The following RTN1 variants were observed in gnomAD, a reference collection of about 807,000 sequenced individuals.
RTN1 encodes the protein reticulon-1.
RTN1 carries 25 observed loss-of-function variants against 65.5 expected under a neutral mutation model. That is an observed-to-expected ratio of 0.38 (90% CI 0.28 to 0.53). The LOEUF (loss-of-function observed/expected upper bound fraction) is 0.53. Ranked by LOEUF, RTN1 falls within the 20% of genes least tolerant of loss-of-function variation. RTN1 has a pLI of 0.79. For synonymous variants in RTN1, 471 were observed against 447.6 expected, an observed-to-expected ratio of 1.05 and a Z score of -0.66; for missense variants, 983 against 1,025.4, an observed-to-expected ratio of 0.96 and a Z score of 0.57.
chr14:59,769,403 T>C (rs539655033), intron 1 of RTN1, among the ~76,000 whole-genome samples: 1 of 152,310 alleles, frequency 6.6e-6, no homozygotes, highest in African/African-American at 2.4e-5. Flanking sequence ...TAAAAACATT[T>C]ACCACTAAGC....
chr14:59,644,328 C>A (rs1218920951), intron 3 of RTN1, among the ~76,000 whole-genome samples: 22 of 152,300 alleles, frequency 1.4e-4, no homozygotes, highest in Admixed American at 1.4e-3. Flanking sequence ...GCCAGGGGAG[C>A]CTCCCCTACC....
intron 2 of RTN1, among the ~76,000 whole-genome samples, chr14:59,738,433 A>AT (rs1311778758): frequency 6.6e-6 from 1 of 152,264 alleles, no homozygotes; most frequent in African/African-American, 2.4e-5. Context: ...AGATAAATAT[A>AT]AATCAAAACT....
intron 1 of RTN1, among the ~76,000 whole-genome samples, chr14:59,749,406 ATATCTATATATATC>A (rs1386115455): frequency 3.8e-4 from 26 of 68,540 alleles, no homozygotes; most frequent in African/African-American, 2.4e-3. Context: ...ATATATATCT[ATATCTATATATATC>A]TATATATCTA....
At chr14:59,629,728 C>G (rs1882492430) in intron 3 of RTN1, among the ~76,000 whole-genome samples, 1 of 152,120 alleles carries the variant, frequency 6.6e-6, no homozygotes, top group South Asian at 2.1e-4. Flanking sequence ...GTAGCCACAC[C>G]CAGTGCTAAT....
chr14:59,756,566 C>A (rs942172258), intron 1 of RTN1, among the ~76,000 whole-genome samples: 2 of 152,126 alleles, frequency 1.3e-5, no homozygotes, highest in African/African-American at 4.8e-5. Context: ...ATTTCCTTTA[C>A]TATGTAAATA....
At chr14:59,672,578 TATTTGTTGAATGAGTG>T (rs1883529113) in intron 3 of RTN1, among the ~76,000 whole-genome samples, 1 of 152,104 alleles carries the variant, frequency 6.6e-6, no homozygotes, top group Non-Finnish European at 1.5e-5. Flanking sequence ...TTGCATTCAT[TATTTGTTGAATGAGTG>T]ATTTGTTGAA....
At chr14:59,667,137 C>T (rs1420945017) in intron 3 of RTN1, among the ~76,000 whole-genome samples, 1 of 139,230 alleles carries the variant, frequency 7.2e-6, no homozygotes, top group Non-Finnish European at 1.6e-5. Flanking sequence ...GATAACAAAA[C>T]CTGGCAAAGA....
chr14:59,784,302 G>A (rs1456184742), intron 1 of RTN1, among the ~76,000 whole-genome samples: 8 of 152,086 alleles, frequency 5.3e-5, no homozygotes, highest in South Asian at 2.1e-4. Flanking sequence ...TTAGCCGGGC[G>A]TGGTGGCACA....
In RTN1 at chr14:59,870,270, TG is replaced by T; in HGVS notation, c.241+119del. 1 of 991,804 alleles carries T rather than the reference TG, an allele frequency of 1.0e-6. No individual in the cohort carries two copies. The highest frequency in any genetic ancestry group is 1.3e-6 in the Non-Finnish European group (1 of 755,754). 61.4% of individuals were successfully genotyped at this position (991,804 alleles called of 1,614,324 possible). A position where few individuals can be genotyped will look rare whatever the true frequency, so the allele number is the denominator to read the frequency against. ...CCAGTCGCCCGTGGCGACGCGGGGGTGGGGTCGGCGCTCAAGGCAGAAAGCG... is the reference window on the plus strand; with the variant it reads ...CCAGTCGCCCGTGGCGACGCGGGGGTGGGTCGGCGCTCAAGGCAGAAAGCG... On this transcript the variant is annotated intron_variant, in intron 1 of 8. Transcript: ENST00000267484. This position sits in a 1 kb window ranked among gnomAD's most constrained non-coding sequence, Gnocchi z 5.1.
intron 3 of RTN1, among the ~76,000 whole-genome samples, chr14:59,720,474 C>A (rs926209585): frequency 3.9e-5 from 6 of 152,096 alleles, no homozygotes; most frequent in Admixed American, 3.9e-4. Context: ...GTAATTCCAG[C>A]ATTTTGAGAG....
intron 3 of RTN1, among the ~76,000 whole-genome samples, chr14:59,683,848 G>A (rs1017703302): frequency 6.6e-6 from 1 of 152,028 alleles, no homozygotes; most frequent in African/African-American, 2.4e-5. Flanking sequence ...GCTTTTCTTT[G>A]TTTTTTAGCT....
At chr14:59,607,191 A>G (rs993996271) in intron 4 of RTN1, 94 bp downstream of exon 4, 15 of 1,099,306 alleles carry the variant, frequency 1.4e-5, no homozygotes, top group Non-Finnish European at 2.0e-5. Flanking sequence ...TGGGTCTCAG[A>G]GAAACATGAC....
intron 1 of RTN1, among the ~76,000 whole-genome samples, chr14:59,804,226 G>A (rs1428904002): frequency 6.6e-6 from 1 of 152,076 alleles, no homozygotes; most frequent in Non-Finnish European, 1.5e-5. Flanking sequence ...GAGAAGTACT[G>A]GTCAGGTATA....
At chr14:59,597,125 G>T (rs1881425867) in intron 8 of RTN1, among the ~76,000 whole-genome samples, 1 of 152,210 alleles carries the variant, frequency 6.6e-6, no homozygotes. Context: ...ACTTCAGAAA[G>T]AGAGAGAAAG....
At chr14:59,838,774 C>A (rs28684899) in intron 1 of RTN1, among the ~76,000 whole-genome samples, 3,272 of 152,028 alleles carry the variant, frequency 0.022, 76 homozygotes, top group African/African-American at 0.065. Context: ...GTTAATACTA[C>A]GTGAAAATTG....
intron 3 of RTN1, among the ~76,000 whole-genome samples, chr14:59,637,219 G>C (rs755005078): frequency 2.0e-5 from 3 of 152,136 alleles, no homozygotes; most frequent in Non-Finnish European, 4.4e-5. Context: ...ATCTTCACCA[G>C]GAGTAAATTC....
At chr14:59,714,039 G>C (rs563800638) in intron 3 of RTN1, among the ~76,000 whole-genome samples, 83 of 152,226 alleles carry the variant, frequency 5.5e-4, no homozygotes, top group African/African-American at 1.9e-3. Context: ...TTCCAGGCCA[G>C]CCTGGCCAAC....
At chr14:59,625,437 T>A (rs992915067) in intron 3 of RTN1, among the ~76,000 whole-genome samples, 1 of 152,226 alleles carries the variant, frequency 6.6e-6, no homozygotes, top group African/African-American at 2.4e-5. Context: ...AGTCTTTTTC[T>A]CAATTTCCAG....
At chr14:59,806,475 T>A (rs910268176) in intron 1 of RTN1, among the ~76,000 whole-genome samples, 2 of 152,134 alleles carry the variant, frequency 1.3e-5, no homozygotes, top group African/African-American at 4.8e-5. Context: ...TTTTTAACTT[T>A]TATTTTAAGG....
Sources: allele counts gnomAD v4.1 joint callset (sites outside exome capture counted in the v4.1 genomes callset), GRCh38; gene constraint gnomAD v4.1.1; non-coding constraint Gnocchi (gnomAD v3.1); transcripts MANE v1.5; gene names NCBI Gene and HGNC (gene_info 2026-07-23, HGNC 2026-07-21).